WSCD1: variants seen among roughly 807,000 people sequenced by gnomAD.
WSCD1 encodes the protein sialate:O-sulfotransferase 1.
Under a neutral mutation model 60.4 loss-of-function variants are expected in WSCD1, and 41 were observed. The ratio of observed to expected loss-of-function variants is 0.68; its 90% CI spans 0.53 to 0.88. WSCD1 has a LOEUF of 0.88. WSCD1 is among the 40% of genes least tolerant of loss of function. The probability of loss-of-function intolerance (pLI) is 0.00; values close to 1 mark genes in which losing one functional copy is unlikely to be tolerated. For synonymous variants in WSCD1, 361 were observed against 332.5 expected (o/e 1.09, Z -0.93); for missense variants, 784 against 796.2 (o/e 0.98, Z 0.18).
At chr17:6,081,143 A>G (rs924050256) in intron 2 of WSCD1, 58 bp downstream of exon 2, 2 of 1,477,020 alleles carry the variant, frequency 1.4e-6, no homozygotes, top group South Asian at 1.3e-5. Context: ...TCAGGGTCAC[A>G]GGTTTGGTGT....
In WSCD1 at chr17:6,123,349, T is replaced by C. The variant is rs964275200; in HGVS notation, c.*2688T>C. On this transcript the variant is annotated 3_prime_UTR_variant, in exon 9 of 9. Coordinates refer to ENST00000317744, the MANE Select transcript of WSCD1 (RefSeq NM_015253.2). ...GGATCAATTTGGAAAAACCAAAATA[T>C]GTAATTTTAAAAAACTAAAACACAT... The C allele has an allele frequency of 6.6e-6, 1 of 152,218 alleles. No individual in the cohort carries two copies. The highest frequency in any genetic ancestry group is 2.4e-5 in the African/African-American group (1 of 41,452). The allele number at this position is 152,218 out of a possible 1,614,324, so 9.4% of individuals were successfully genotyped here. A position where few individuals can be genotyped will look rare whatever the true frequency, so the allele number is the denominator to read the frequency against.
intron 5 of WSCD1, among the ~76,000 whole-genome samples, chr17:6,096,626 G>T (rs534281621): frequency 6.6e-6 from 1 of 152,364 alleles, no homozygotes; most frequent in African/African-American, 2.4e-5. Flanking sequence ...GAGCCAAAAA[G>T]GCAGTTTGTT....
chr17:6,091,513 C>T (rs895980092), intron 4 of WSCD1, among the ~76,000 whole-genome samples: 2 of 152,074 alleles, frequency 1.3e-5, no homozygotes, highest in South Asian at 2.1e-4. Context: ...AGGAATTGGA[C>T]CCTGAAGGGG....
intron 2 of WSCD1, among the ~76,000 whole-genome samples, chr17:6,081,653 G>A (rs1909282620): frequency 6.6e-6 from 1 of 151,744 alleles, no homozygotes; most frequent in Admixed American, 6.6e-5. Context: ...AGAGGTTGCC[G>A]TGAGCAGAGA....
At chr17:6,106,640 G>A (rs568863731) in intron 5 of WSCD1, among the ~76,000 whole-genome samples, 6 of 152,338 alleles carry the variant, frequency 3.9e-5, no homozygotes, top group African/African-American at 1.4e-4. Flanking sequence ...GGCCTCCGGT[G>A]TCACCGATGT....
At position 6,117,305 on chromosome 17, in the gene WSCD1, G is replaced by C. The variant is rs369746005; in HGVS notation, c.1175-683G>C. Among the ~76,000 whole-genome samples the C allele has an allele frequency of 3.5e-4, 53 of 152,306 alleles. No individual in the cohort carries two copies. The South Asian group carries it at 0.011, about 32-fold the overall frequency. ...TAGAAATTGGGCCCTGGGTCCTCAG[G>C]GCCAGGCTCAAGCACTGTGGATGAG... On this transcript the variant is annotated intron_variant, in intron 7 of 8. Coordinates refer to ENST00000317744, the MANE Select transcript of WSCD1 (RefSeq NM_015253.2).
chr17:6,117,001 A>T (rs1176640290), intron 7 of WSCD1, among the ~76,000 whole-genome samples: 2 of 152,222 alleles, frequency 1.3e-5, no homozygotes, highest in African/African-American at 4.8e-5. Context: ...CTTTGTTTCC[A>T]TAAGCCCCTA....
At chr17:6,091,292 T>C (rs1323761652) in intron 4 of WSCD1, among the ~76,000 whole-genome samples, 1 of 152,202 alleles carries the variant, frequency 6.6e-6, no homozygotes, top group African/African-American at 2.4e-5. Flanking sequence ...GCAAACATTA[T>C]TGTAAATGCA....
chr17:6,095,251 C>A, intron 5 of WSCD1, 28 bp downstream of exon 5: 1 of 1,606,196 alleles, frequency 6.2e-7, no homozygotes. Context: ...TTTCACAACC[C>A]TTTCCTTTAA....
chr17:6,079,766 T>C (rs1294541915), intron 1 of WSCD1, among the ~76,000 whole-genome samples: 1 of 152,202 alleles, frequency 6.6e-6, no homozygotes, highest in East Asian at 1.9e-4. Flanking sequence ...ATCTGCAACA[T>C]AGTCCTGCCT....
intron 1 of WSCD1, among the ~76,000 whole-genome samples, chr17:6,072,558 A>G (rs138723367): frequency 5.9e-5 from 9 of 152,310 alleles, no homozygotes; most frequent in African/African-American, 2.2e-4. Flanking sequence ...TGGAGGTACA[A>G]TGAGGTCAAG....
At chr17:6,074,975 G>A (rs1908757581) in intron 1 of WSCD1, among the ~76,000 whole-genome samples, 1 of 152,136 alleles carries the variant, frequency 6.6e-6, no homozygotes, top group African/African-American at 2.4e-5. Context: ...CACAGGAGGG[G>A]AATCCAGGAG....
chr17:6,093,178 G>A (rs970809863), intron 4 of WSCD1, among the ~76,000 whole-genome samples: 1 of 152,230 alleles, frequency 6.6e-6, no homozygotes, highest in Non-Finnish European at 1.5e-5. Flanking sequence ...GACTGTACCA[G>A]GTGACAACCT....
chr17:6,103,163 G>A (rs985936485), intron 5 of WSCD1, among the ~76,000 whole-genome samples: 2 of 152,210 alleles, frequency 1.3e-5, no homozygotes, highest in African/African-American at 4.8e-5. Flanking sequence ...TGGGATGGGT[G>A]GAGATGAAAG....
intron 7 of WSCD1, among the ~76,000 whole-genome samples, chr17:6,111,663 C>T (rs573274122): frequency 6.2e-5 from 9 of 146,184 alleles, no homozygotes; most frequent in East Asian, 2.0e-4. Flanking sequence ...ATTATGCCAC[C>T]GCACTCCAGC....
At chr17:6,120,259 C>T (rs767758469) in intron 8 of WSCD1, 50 bp from the exon 9 acceptor site, 1 of 1,572,858 alleles carries the variant, frequency 6.4e-7, no homozygotes, top group Non-Finnish European at 8.7e-7. Context: ...GGACCGGCAG[C>T]CCTGGCAGGG....
Position 6,121,018 on chromosome 17 carries a change from C to A in WSCD1, c.*357C>A. 3.8e-6 allele frequency: 1 copy of A among 265,324 alleles called. No individual in the cohort carries two copies. Among genetic ancestry groups the A allele is most frequent in the South Asian group, 6.2e-5 (1 of 16,068 alleles). 16.4% of individuals were successfully genotyped at this position (265,324 alleles called of 1,614,324 possible). On this transcript the variant is annotated 3_prime_UTR_variant, in exon 9 of 9. Transcript: ENST00000317744. Reference sequence around the variant, plus strand: ...TAACACACAGGTGCCAGGCCGTGTGCTCCTGGAGGCTGGCTGGCTGTCTCT... The same window carrying A: ...TAACACACAGGTGCCAGGCCGTGTGATCCTGGAGGCTGGCTGGCTGTCTCT...
intron 3 of WSCD1, among the ~76,000 whole-genome samples, chr17:6,089,131 A>G (rs1418931934): frequency 6.6e-6 from 1 of 152,204 alleles, no homozygotes; most frequent in Non-Finnish European, 1.5e-5. Flanking sequence ...CCAGGTAGCA[A>G]TTAGTTATCC....
chr17:6,084,981 T>C (rs1269808747), intron 2 of WSCD1: 1 of 152,172 alleles, frequency 6.6e-6, no homozygotes, highest in Non-Finnish European at 1.5e-5. Context: ...TCCACGCCGG[T>C]GAGCTCCATC....
Sources: allele counts gnomAD v4.1 joint callset (sites outside exome capture counted in the v4.1 genomes callset), GRCh38; gene constraint gnomAD v4.1.1; transcripts MANE v1.5; gene names NCBI Gene and HGNC (gene_info 2026-07-23, HGNC 2026-07-21).